CEP162: variants seen among roughly 807,000 people sequenced by gnomAD.
CEP162 encodes the protein centrosomal protein of 162 kDa.
CEP162 carries 141 observed loss-of-function variants against 169.2 expected under a neutral mutation model. The observed-to-expected ratio is 0.83, with a 90% CI of 0.73 to 0.96. The LOEUF (loss-of-function observed/expected upper bound fraction) is 0.96, where lower values mean the gene tolerates loss of function less well. Ranked by LOEUF, CEP162 falls within the 40% of genes least tolerant of loss-of-function variation. The pLI, the probability that CEP162 is intolerant of heterozygous loss-of-function variation, is 0.00. For missense variants in CEP162, 1,600 were observed against 1,587.2 expected (o/e 1.01, Z -0.14); for synonymous variants, 540 against 526.4 (o/e 1.03, Z -0.35).
rs70987776 is a variant in CEP162, at chr6:84,202,518, C to CTTTTTTT, written c.688-758_688-752dup. ...CATTTTTCTTTTCTTTTCTTTCTTT[C>CTTTTTTT]TTTTTTTTTTTTTTTTTTTTTTTTT... On this transcript the variant is annotated intron_variant, in intron 7 of 26. Coordinates refer to ENST00000403245, the MANE Select transcript of CEP162 (RefSeq NM_014895.4). 7.3e-4 allele frequency among the ~76,000 whole-genome samples: 66 copies of CTTTTTTT among 90,734 alleles called. 1 individual carries two copies. Among genetic ancestry groups the CTTTTTTT allele is most frequent in the Middle Eastern group, 6.4e-3 (1 of 156 alleles). The allele number at this position is 90,734 out of a possible 152,430, so 59.5% of individuals were successfully genotyped here.
At chr6:84,194,348 C>T (rs1477009265) in intron 10 of CEP162, among the ~76,000 whole-genome samples, 1 of 140,904 alleles carries the variant, frequency 7.1e-6, no homozygotes, top group Non-Finnish European at 1.6e-5. Context: ...GAGCAAGACT[C>T]CGTCTCAAAA....
intron 6 of CEP162, among the ~76,000 whole-genome samples, chr6:84,211,132 T>C (rs1039537513): frequency 1.1e-4 from 17 of 151,810 alleles, no homozygotes; most frequent in African/African-American, 3.4e-4. Context: ...TAAAATATGT[T>C]TAATATTAAG....
At position 84,131,534 on chromosome 6, in the gene CEP162, A is replaced by C. The variant is rs370749313; in HGVS notation, c.3871-5022T>G. 2.6e-5 allele frequency among the ~76,000 whole-genome samples: 4 copies of C among 152,270 alleles called. No homozygotes were observed. In the East Asian group the frequency reaches 7.7e-4, roughly 29 times the overall value. ...GCTTTATGAATCTGGGTGCTCCTGC[A>C]TTGGGTGCATATATATTTAGGATAG... On this transcript the variant is annotated intron_variant, in intron 25 of 26. Coordinates refer to ENST00000403245, the MANE Select transcript of CEP162 (RefSeq NM_014895.4).
intron 6 of CEP162, among the ~76,000 whole-genome samples, chr6:84,209,524 G>A (rs950446223): frequency 2.0e-5 from 3 of 151,832 alleles, no homozygotes; most frequent in African/African-American, 2.4e-5. Context: ...ACAGGTGCCC[G>A]CCACCACGCC....
chr6:84,189,509 C>A (rs1275529817), intron 11 of CEP162, among the ~76,000 whole-genome samples: 1 of 152,212 alleles, frequency 6.6e-6, no homozygotes, highest in Non-Finnish European at 1.5e-5. Context: ...GACTTAGCAC[C>A]CGGGCCAGTG....
chr6:84,226,388 A>T lies in CEP162; in HGVS notation c.6T>A (p.Ala2=). Residue 2 remains alanine (A), a synonymous_variant, in exon 2 of 27, where the codon GCT becomes GCA. Transcript: ENST00000403245. ...CATCTAGCTCTTCTTGGGAACAGTT[A>T]GCCATAGTCAACAATTTTGACCTCC... The part of the protein sequence containing the change: M[A]NCSQEELDEE... 1 of 1,568,406 alleles carries T rather than the reference A, an allele frequency of 6.4e-7. No individual in the cohort carries two copies. The highest frequency in any genetic ancestry group is 8.7e-7 in the Non-Finnish European group (1 of 1,153,812).
intron 2 of CEP162, among the ~76,000 whole-genome samples, chr6:84,223,528 TAA>T (rs1176850415): frequency 2.8e-5 from 4 of 145,098 alleles, no homozygotes; most frequent in African/African-American, 1.0e-4. Context: ...AATAAATAAA[TAA>T]AAATAAAAAT....
intron 5 of CEP162, among the ~76,000 whole-genome samples, chr6:84,214,053 T>C (rs2099550601): frequency 6.6e-6 from 1 of 152,268 alleles, no homozygotes; most frequent in South Asian, 2.1e-4. Context: ...CTGAGACAGG[T>C]GGATCACAAG....
At chr6:84,126,025 T>A (rs2099508809) in intron 26 of CEP162, among the ~76,000 whole-genome samples, 1 of 152,170 alleles carries the variant, frequency 6.6e-6, no homozygotes, top group East Asian at 1.9e-4. Context: ...TTTTAAATAA[T>A]CATATTAAAA....
At chr6:84,169,532 T>C in intron 17 of CEP162, 99 bp from the exon 18 acceptor site, 1 of 656,352 alleles carries the variant, frequency 1.5e-6, no homozygotes, top group Non-Finnish European at 2.5e-6. Context: ...CTAACATACA[T>C]TGAAACTGTA....
At chr6:84,204,496 T>C (rs545445198) in intron 6 of CEP162, among the ~76,000 whole-genome samples, 1 of 152,168 alleles carries the variant, frequency 6.6e-6, no homozygotes, top group South Asian at 2.1e-4. Flanking sequence ...AATAATGAAA[T>C]GAAGGCAGAA....
chr6:84,142,003 G>A (rs1348184814), intron 25 of CEP162, among the ~76,000 whole-genome samples: 2 of 152,088 alleles, frequency 1.3e-5, no homozygotes, highest in Non-Finnish European at 2.9e-5. Flanking sequence ...ATCTCACCAT[G>A]TCTTTGAAAT....
At chr6:84,173,896 G>A (rs1329607831) in intron 16 of CEP162, among the ~76,000 whole-genome samples, 152 bp downstream of exon 16, 1 of 151,942 alleles carries the variant, frequency 6.6e-6, no homozygotes, top group African/African-American at 2.4e-5. Flanking sequence ...TGTTGGCCAG[G>A]CTGGTCTCGA....
chr6:84,137,861 T>C (rs1230995035), intron 25 of CEP162, among the ~76,000 whole-genome samples: 1 of 152,178 alleles, frequency 6.6e-6, no homozygotes, highest in Non-Finnish European at 1.5e-5. Context: ...ATGCCTGAGT[T>C]AGCATCAACG....
chr6:84,198,705 A>G (rs965517028), intron 9 of CEP162, among the ~76,000 whole-genome samples: 4 of 152,220 alleles, frequency 2.6e-5, no homozygotes, highest in African/African-American at 9.7e-5. Flanking sequence ...TGACATAAAT[A>G]ATGATGATAA....
intron 5 of CEP162, among the ~76,000 whole-genome samples, chr6:84,214,826 G>A (rs12207783): frequency 0.017 from 2,526 of 152,232 alleles, 33 homozygotes; most frequent in Middle Eastern, 0.034. Flanking sequence ...TGAACTAGTG[G>A]GATTTCTAGA....
intron 11 of CEP162, among the ~76,000 whole-genome samples, chr6:84,189,853 A>G (rs1371484982): frequency 6.6e-6 from 1 of 152,232 alleles, no homozygotes; most frequent in African/African-American, 2.4e-5. Flanking sequence ...GGGGATGTGG[A>G]GAGTCTTTAT....
At chr6:84,203,646 C>G (rs1387485182) in intron 7 of CEP162, among the ~76,000 whole-genome samples, 1 of 151,994 alleles carries the variant, frequency 6.6e-6, no homozygotes, top group African/African-American at 2.4e-5. Flanking sequence ...GAGATGAGAT[C>G]CCACTATGTT....
intron 17 of CEP162, among the ~76,000 whole-genome samples, chr6:84,170,260 G>C (rs1185480514): frequency 1.3e-5 from 2 of 150,274 alleles, no homozygotes; most frequent in Admixed American, 1.3e-4. Flanking sequence ...TGTAGTCCCA[G>C]ATACTCGGGA....
Sources: allele counts gnomAD v4.1 joint callset (sites outside exome capture counted in the v4.1 genomes callset), GRCh38; gene constraint gnomAD v4.1.1; transcripts MANE v1.5; gene names NCBI Gene and HGNC (gene_info 2026-07-23, HGNC 2026-07-21).